The following PIAS2 variants were observed in gnomAD, a reference collection of about 807,000 sequenced individuals.
PIAS2 encodes E3 SUMO-protein ligase PIAS2.
In PIAS2, 19 loss-of-function variants were observed where a neutral mutation model predicts 69.7. The ratio of observed to expected loss-of-function variants is 0.27; its 90% CI spans 0.19 to 0.40. The LOEUF (loss-of-function observed/expected upper bound fraction) is 0.40, where lower values mean the gene tolerates loss of function less well. PIAS2 is among the 10% of genes least tolerant of loss of function. PIAS2 has a pLI of 1.00. For missense variants in PIAS2, 624 were observed against 757.0 expected, an observed-to-expected ratio of 0.82 and a Z score of 2.06; for synonymous variants, 261 against 263.2, an observed-to-expected ratio of 0.99 and a Z score of 0.08.
At chr18:46,814,016 C>T (rs1342500476) in intron 13 of PIAS2, among the ~76,000 whole-genome samples, 2 of 152,116 alleles carry the variant, frequency 1.3e-5, no homozygotes, top group African/African-American at 4.8e-5. Context: ...TTCCTGCTGC[C>T]TCTCAGGTAG....
upstream of PIAS2, among the ~76,000 whole-genome samples, chr18:46,919,003 ATATATGTGTGTGTGTG>A (rs2058334317): frequency 6.8e-6 from 1 of 146,062 alleles, no homozygotes; most frequent in African/African-American, 2.7e-5. Context: ...GTGTATATAT[ATATATGTGTGTGTGTG>A]TGTGTGTGTG....
intron 1 of PIAS2, among the ~76,000 whole-genome samples, chr18:46,900,003 G>A (rs1225167959): frequency 6.6e-6 from 1 of 152,160 alleles, no homozygotes; most frequent in African/African-American, 2.4e-5. Context: ...GGCCAAGTGG[G>A]CAGATCACTT....
chr18:46,897,393 GA>G (rs777191695), intron 1 of PIAS2, among the ~76,000 whole-genome samples: 25 of 152,256 alleles, frequency 1.6e-4, no homozygotes, highest in Non-Finnish European at 2.5e-4. Context: ...GAAGGGCAAA[GA>G]AAACATCCAG....
chr18:46,832,724 C>A (rs917924754), intron 9 of PIAS2, among the ~76,000 whole-genome samples: 1 of 151,740 alleles, frequency 6.6e-6, no homozygotes. Flanking sequence ...AACCCCATCT[C>A]TACTAAAGAC....
intron 2 of PIAS2, among the ~76,000 whole-genome samples, chr18:46,877,010 A>G (rs750904971): frequency 2.0e-4 from 30 of 152,114 alleles, no homozygotes; most frequent in Admixed American, 7.9e-4. Flanking sequence ...TCCTTCACTA[A>G]TTTAATGGAA....
rs758826108 is a variant in PIAS2 at position 46,812,522 on chromosome 18, T to G, written c.1777A>C (p.Thr593Pro). Residue 593 changes from threonine to proline, a missense_variant, in exon 14 of 14, where the codon ACT becomes CCT. Around this residue, in one of 3 missense-constraint regions of PIAS2, gnomAD observed 241 missense variants for 257.3 expected, o/e 0.94. Transcript: ENST00000585916. The part of the protein sequence containing the change: ...VTTTSSHESS[T>P]HVSSSSSRSE... ...CTGCTGCTGGATGAACTAACATGAGTACTGCTTTCATGGGAGCTGGTGGTG... is the reference window on the plus strand; with the variant it reads ...CTGCTGCTGGATGAACTAACATGAGGACTGCTTTCATGGGAGCTGGTGGTG... 2.5e-6 allele frequency: 4 copies of G among 1,612,544 alleles called. No individual in the cohort carries two copies. The highest frequency in any genetic ancestry group is 3.3e-5 in the Admixed American group (2 of 59,996).
chr18:46,919,076 T>C (rs935165461), upstream of PIAS2, among the ~76,000 whole-genome samples: 1 of 151,448 alleles, frequency 6.6e-6, no homozygotes. Flanking sequence ...TTTGGCCAGG[T>C]GCAGTGGCTC....
intron 11 of PIAS2, among the ~76,000 whole-genome samples, chr18:46,822,852 A>G (rs751640197): frequency 5.3e-5 from 8 of 152,144 alleles, no homozygotes; most frequent in Non-Finnish European, 1.0e-4. Flanking sequence ...CAAAGTATTA[A>G]TATCTTATTG....
At chr18:46,848,486 G>A (rs191135063) in intron 5 of PIAS2, among the ~76,000 whole-genome samples, 27 of 152,110 alleles carry the variant, frequency 1.8e-4, no homozygotes, top group African/African-American at 4.3e-4. Flanking sequence ...TCTGGATTTC[G>A]GCAATGCTAA....
chr18:46,903,583 A>C (rs2056190662), intron 1 of PIAS2: 1 of 152,246 alleles, frequency 6.6e-6, no homozygotes, highest in Non-Finnish European at 1.5e-5. Flanking sequence ...GGATGCTGAG[A>C]AACTGGATCA....
intron 5 of PIAS2, among the ~76,000 whole-genome samples, chr18:46,851,803 A>G (rs912222118): frequency 6.6e-6 from 1 of 152,240 alleles, no homozygotes; most frequent in African/African-American, 2.4e-5. Context: ...CATGAAGTAT[A>G]GTGGTCAACT....
At position 46,829,760 on chromosome 18, in the gene PIAS2, G is replaced by T; in HGVS notation, c.1310C>A (p.Ser437Tyr). The T allele has an allele frequency of 6.2e-7, 1 of 1,613,388 alleles. No individual in the cohort carries two copies. The highest frequency in any genetic ancestry group is 1.3e-5 in the African/African-American group (1 of 74,958). ...TTCTATTTTTGTACACGGTTGGCTG[G>T]ATACTTTCATAGCTTCTTTCTTCGG... ...MRPKKEAMKV[S>Y]SQPCTKIESS... Residue 437 changes from serine to tyrosine, a missense_variant, in exon 10 of 14, where the codon TCC (serine) becomes TAC (tyrosine). Physicochemically the swap from Ser to Tyr is moderately radical, Grantham distance 144. Coordinates refer to ENST00000585916, the MANE Select transcript of PIAS2 (RefSeq NM_004671.5).
intron 2 of PIAS2, among the ~76,000 whole-genome samples, chr18:46,887,125 A>C (rs1438262620): frequency 1.3e-5 from 2 of 152,194 alleles, no homozygotes; most frequent in African/African-American, 4.8e-5. Flanking sequence ...ACTTTGTACA[A>C]ACAAATAATA....
intron 11 of PIAS2, among the ~76,000 whole-genome samples, chr18:46,825,690 A>T (rs2042756366): frequency 6.6e-6 from 1 of 152,224 alleles, no homozygotes; most frequent in Non-Finnish European, 1.5e-5. Flanking sequence ...GATCCTGGAC[A>T]CTATGCTTAT....
At chr18:46,869,612 C>T (rs923954414) in intron 2 of PIAS2, among the ~76,000 whole-genome samples, 8 of 152,166 alleles carry the variant, frequency 5.3e-5, no homozygotes, top group Non-Finnish European at 1.0e-4. Flanking sequence ...AGATATAAAG[C>T]TAGTGATGAT....
In PIAS2 at chr18:46,847,040, G is replaced by A. The variant is rs148910297; in HGVS notation, c.727-199C>T. ...AAAAAGGTTACAAAATATTTCACAA[G>A]TCCAGAAAGGTAGGAAAAAAATCCA... On this transcript the variant is annotated intron_variant, in intron 5 of 13. Coordinates refer to ENST00000585916, the MANE Select transcript of PIAS2 (RefSeq NM_004671.5). Among the ~76,000 whole-genome samples, 565 of 152,142 alleles carry A rather than the reference G, an allele frequency of 3.7e-3. 3 individuals are homozygous for A. Among genetic ancestry groups the A allele is most frequent in the Middle Eastern group, 0.024 (7 of 294 alleles).
chr18:46,893,828 A>G (rs918123455), intron 1 of PIAS2, among the ~76,000 whole-genome samples: 6 of 152,020 alleles, frequency 3.9e-5, no homozygotes, highest in Non-Finnish European at 7.4e-5. Context: ...ACACCCCCCA[A>G]AAAAATCCCT....
intron 1 of PIAS2, among the ~76,000 whole-genome samples, chr18:46,902,341 G>A (rs2055998012): frequency 6.6e-6 from 1 of 151,724 alleles, no homozygotes; most frequent in South Asian, 2.1e-4. Context: ...CAGATCACCT[G>A]AGGCCGGGAG....
At chr18:46,917,258 T>TG in intron 1 of PIAS2, 64 bp downstream of exon 1, 1 of 1,431,004 alleles carries the variant, frequency 7.0e-7, no homozygotes. Context: ...CCGGCGACGT[T>TG]GCGGTTTCCC....
Sources: gnomAD v4.1 joint callset for allele counts (sites outside exome capture counted in the v4.1 genomes callset) on GRCh38, gnomAD v4.1.1 for gene constraint, gnomAD v4.1.1 regional missense constraint, MANE v1.5 for transcripts, NCBI Gene and HGNC (gene_info 2026-07-23, HGNC 2026-07-21) for gene names.